The following STXBP5 variants were observed in gnomAD, a reference collection of about 807,000 sequenced individuals.
STXBP5 encodes the protein syntaxin-binding protein 5.
STXBP5 carries 50 observed loss-of-function variants against 152.4 expected under a neutral mutation model. That is an observed-to-expected ratio of 0.33 (90% CI 0.26 to 0.42). STXBP5 has a LOEUF of 0.42. STXBP5 is among the 10% of genes least tolerant of loss of function. STXBP5 has a pLI of 1.00. For synonymous variants in STXBP5, 492 were observed against 494.7 expected, an observed-to-expected ratio of 0.99 and a Z score of 0.07; for missense variants, 1,167 against 1,388.6, an observed-to-expected ratio of 0.84 and a Z score of 2.54.
intron 25 of STXBP5, among the ~76,000 whole-genome samples, chr6:147,369,717 T>TAAA (rs1785455647): frequency 6.6e-6 from 1 of 151,884 alleles, no homozygotes; most frequent in Non-Finnish European, 1.5e-5. Context: ...AACTGCAAAT[T>TAAA]AAAACCACAG....
Position 147,384,766 on chromosome 6 carries a change from C to G in STXBP5, c.*11C>G. 1 of 1,610,310 alleles carries G rather than the reference C, an allele frequency of 6.2e-7. No homozygotes were observed. Among genetic ancestry groups the G allele is most frequent in the Non-Finnish European group, 8.5e-7 (1 of 1,178,428 alleles). ...TGGTACCAGTTCTGACAACCAGAAT[C>G]CAATAAGTCCAACTTCAGCCAGAAG... On this transcript the variant is annotated 3_prime_UTR_variant, in exon 28 of 28. Coordinates refer to ENST00000321680, the MANE Select transcript of STXBP5 (RefSeq NM_001127715.4).
chr6:147,251,916 G>A (rs995840434), intron 4 of STXBP5, among the ~76,000 whole-genome samples: 1 of 152,202 alleles, frequency 6.6e-6, no homozygotes, highest in Admixed American at 6.5e-5. Context: ...CTGTTCTTCA[G>A]CCTCTGCTGG....
At chr6:147,220,751 T>G (rs1284566827) in intron 2 of STXBP5, among the ~76,000 whole-genome samples, 1 of 152,208 alleles carries the variant, frequency 6.6e-6, no homozygotes, top group Admixed American at 6.5e-5. Context: ...ATTCTATATG[T>G]GTCTTTATAT....
intron 25 of STXBP5, among the ~76,000 whole-genome samples, chr6:147,371,233 T>G (rs1410972976): frequency 1.3e-5 from 2 of 152,044 alleles, no homozygotes; most frequent in Non-Finnish European, 2.9e-5. Context: ...TAGATTTACT[T>G]ATAATAAAAA....
At chr6:147,219,491 A>G (rs914687919) in intron 2 of STXBP5, among the ~76,000 whole-genome samples, 147 of 152,314 alleles carry the variant, frequency 9.7e-4, no homozygotes, top group African/African-American at 2.6e-3. Flanking sequence ...GAAACTTGTT[A>G]TAATTCACCA....
chr6:147,372,438 T>A (rs1785599919), intron 25 of STXBP5, among the ~76,000 whole-genome samples: 1 of 69,758 alleles, frequency 1.4e-5, no homozygotes, highest in African/African-American at 7.3e-5. Flanking sequence ...TTTTTTTTTT[T>A]TTTTTTTTTT....
chr6:147,311,664 A>G, intron 11 of STXBP5, 137 bp downstream of exon 11: 1 of 596,140 alleles, frequency 1.7e-6, no homozygotes, highest in South Asian at 2.5e-5. Context: ...TGAGAGCTCC[A>G]GACTCACATA....
chr6:147,335,654 G>T (rs761310816), intron 19 of STXBP5, among the ~76,000 whole-genome samples: 3 of 152,082 alleles, frequency 2.0e-5, no homozygotes, highest in Non-Finnish European at 2.9e-5. Flanking sequence ...ATAAAAAGTA[G>T]CCGGGCGAGG....
chr6:147,372,462 A>G (rs1345203245), intron 25 of STXBP5, among the ~76,000 whole-genome samples: 1 of 50,292 alleles, frequency 2.0e-5, no homozygotes, highest in Non-Finnish European at 3.8e-5. Flanking sequence ...TTTTTTTGAG[A>G]CAGATTCTTT....
chr6:147,335,583 G>T (rs1252595500), intron 19 of STXBP5, among the ~76,000 whole-genome samples: 4 of 152,096 alleles, frequency 2.6e-5, no homozygotes, highest in African/African-American at 9.7e-5. Flanking sequence ...GATACATCTA[G>T]CCCTTTGAAA....
intron 16 of STXBP5, among the ~76,000 whole-genome samples, chr6:147,322,606 T>C (rs1206150396): frequency 6.6e-6 from 1 of 152,206 alleles, no homozygotes; most frequent in Non-Finnish European, 1.5e-5. Flanking sequence ...CTTCCTGCTG[T>C]TCTCTCACAC....
chr6:147,377,981 T>C (rs1208432293), intron 26 of STXBP5, among the ~76,000 whole-genome samples: 1 of 152,144 alleles, frequency 6.6e-6, no homozygotes, highest in Admixed American at 6.5e-5. Context: ...ATAACTTTAT[T>C]TTTGACGGAA....
intron 18 of STXBP5, among the ~76,000 whole-genome samples, chr6:147,327,623 T>G (rs542525995): frequency 6.6e-6 from 1 of 152,256 alleles, no homozygotes; most frequent in South Asian, 2.1e-4. Flanking sequence ...TTGTATTTTT[T>G]GTACAGATGG....
In STXBP5 at chr6:147,359,381, G is replaced by A. The variant is rs1015054951; in HGVS notation, c.2545+58G>A. 7 of 1,546,178 alleles carry A rather than the reference G, an allele frequency of 4.5e-6. No individual in the cohort carries two copies. In the South Asian group the frequency reaches 8.7e-5, roughly 19 times the overall value. ...ACAGGTGTGATTTACTATGATAGAA[G>A]CCTTTGTTTTTCATTCTTGAATTGA... On this transcript the variant is annotated intron_variant, in intron 23 of 27. Coordinates refer to ENST00000321680, the MANE Select transcript of STXBP5 (RefSeq NM_001127715.4).
At chr6:147,321,529 A>T (rs1782935989) in intron 16 of STXBP5, among the ~76,000 whole-genome samples, 1 of 152,188 alleles carries the variant, frequency 6.6e-6, no homozygotes, top group Admixed American at 6.5e-5. Flanking sequence ...AGCTATGATC[A>T]TAGCTGCACT....
intron 7 of STXBP5, among the ~76,000 whole-genome samples, chr6:147,277,688 A>C (rs1780511404): frequency 6.6e-6 from 1 of 152,086 alleles, no homozygotes; most frequent in South Asian, 2.1e-4. Context: ...GTCAATTAAC[A>C]CATTTTATTC....
chr6:147,380,173 TAC>T (rs58343558), intron 26 of STXBP5, among the ~76,000 whole-genome samples: 10,938 of 142,970 alleles, frequency 0.077, 566 homozygotes, highest in African/African-American at 0.15. Context: ...AATAGCCACG[TAC>T]ACACACACAC....
chr6:147,314,388 G>C (rs371295419), intron 13 of STXBP5, 57 bp downstream of exon 13: 2 of 1,459,350 alleles, frequency 1.4e-6, no homozygotes, highest in African/African-American at 2.8e-5. Flanking sequence ...ATAATTGATT[G>C]AGACTACATG....
intron 23 of STXBP5, 82 bp from the exon 24 acceptor site, chr6:147,363,246 AAGTATCT>A: frequency 2.3e-6 from 3 of 1,311,782 alleles, no homozygotes; most frequent in Non-Finnish European, 3.1e-6. Flanking sequence ...GCATATATTT[AAGTATCT>A]ACTGTATGTC....
Sources: gnomAD v4.1 joint callset for allele counts (sites outside exome capture counted in the v4.1 genomes callset) on GRCh38, gnomAD v4.1.1 for gene constraint, MANE v1.5 for transcripts, NCBI Gene and HGNC (gene_info 2026-07-23, HGNC 2026-07-21) for gene names.